Variants in MDFI observed in about 807,000 individuals in gnomAD.
MDFI encodes the protein inhibitor of MyoD family a.
In MDFI, 16 loss-of-function variants were observed where a neutral mutation model predicts 22.3. The observed-to-expected ratio is 0.72, with a 90% CI of 0.49 to 1.09. MDFI has a LOEUF of 1.09. MDFI is among the 50% of genes least tolerant of loss of function. MDFI has a pLI of 0.00. For missense variants in MDFI, 314 were observed against 326.1 expected (o/e 0.96, Z 0.29); for synonymous variants, 145 against 142.7 (o/e 1.02, Z -0.12).
At chr6:41,640,820 TCCCCAC>T (rs967893644) in intron 2 of MDFI, among the ~76,000 whole-genome samples, 1 of 152,034 alleles carries the variant, frequency 6.6e-6, no homozygotes, top group African/African-American at 2.4e-5. Context: ...AGTGGCCTCC[TCCCCAC>T]CCACCCCTGA....
rs1234362654 is a variant in MDFI at position 41,653,194 on chromosome 6, G to T, written c.485-125G>T. ...GTGGGGACGGATTCGTGAGCTTCAGGCACACAGTGAACACTCAGCGTCCCT... is the reference window on the plus strand; with the variant it reads ...GTGGGGACGGATTCGTGAGCTTCAGTCACACAGTGAACACTCAGCGTCCCT... On this transcript the variant is annotated intron_variant, in intron 4 of 4. Coordinates refer to ENST00000230321, the MANE Select transcript of MDFI (RefSeq NM_005586.4). This position sits in a 1 kb window ranked among gnomAD's most constrained non-coding sequence, Gnocchi z 4.2. The T allele has an allele frequency of 1.0e-6, 1 of 971,840 alleles. No homozygotes were observed. Among genetic ancestry groups the T allele is most frequent in the South Asian group, 1.5e-5 (1 of 67,772 alleles). 60.2% of individuals were successfully genotyped at this position (971,840 alleles called of 1,614,324 possible). A position where few individuals can be genotyped will look rare whatever the true frequency, so the allele number is the denominator to read the frequency against.
chr6:41,640,211 C>T (rs779198739), intron 2 of MDFI, among the ~76,000 whole-genome samples: 1 of 152,172 alleles, frequency 6.6e-6, no homozygotes, highest in Non-Finnish European at 1.5e-5. Context: ...GGGCCTCCTT[C>T]CTGCCTCCTC....
intron 2 of MDFI, among the ~76,000 whole-genome samples, chr6:41,641,091 T>C (rs1767836830): frequency 1.3e-5 from 2 of 152,220 alleles, no homozygotes; most frequent in Admixed American, 1.3e-4. Context: ...TCTGACTTTC[T>C]TGGGGTTCAG....
At chr6:41,652,863 C>T (rs1768327924) in intron 4 of MDFI, among the ~76,000 whole-genome samples, 1 of 152,088 alleles carries the variant, frequency 6.6e-6, no homozygotes, top group South Asian at 2.1e-4. Context: ...GGTGATCCGC[C>T]CACCTCGGCC....
intron 2 of MDFI, 145 bp from the exon 3 acceptor site, chr6:41,645,981 C>A: frequency 1.5e-6 from 1 of 684,402 alleles, no homozygotes. Context: ...GTGCTGTTGT[C>A]AGCTAGAGTA....
At position 41,653,531 on chromosome 6, in the gene MDFI, C is replaced by G. The variant is rs562224437; in HGVS notation, c.697C>G (p.Leu233Val). The G allele has an allele frequency of 6.2e-7, 1 of 1,601,526 alleles. No homozygotes were observed. Among genetic ancestry groups the G allele is most frequent in the East Asian group, 2.2e-5 (1 of 44,882 alleles). ...TGCCTGCTGCGAGTCCGCGGACTGC[C>G]TGGAGATCTGCATGGAGTGCTGTGG... Reference protein sequence around the residue: ...LDACCESADCLEICMECCGLC... With the variant: ...LDACCESADCVEICMECCGLC... Residue 233 changes from leucine to valine, a missense_variant, in exon 5 of 5, where the codon CTG (leucine) becomes GTG (valine). Coordinates refer to ENST00000230321, the MANE Select transcript of MDFI (RefSeq NM_005586.4). This position sits in a 1 kb window ranked among gnomAD's most constrained non-coding sequence, Gnocchi z 4.2.
At position 41,646,560 on chromosome 6, in the gene MDFI, G is replaced by A. The variant is rs115463719; in HGVS notation, c.259+252G>A. ...AAATGGCTCAGGACAGAGAGCATGC[G>A]GCTACCTGGAGAGAGGCACCCCCTG... On this transcript the variant is annotated intron_variant, in intron 3 of 4. Transcript: ENST00000230321. Among the ~76,000 whole-genome samples the A allele has an allele frequency of 6.4e-3, 981 of 152,240 alleles. 5 individuals carry two copies. The highest frequency in any genetic ancestry group is 0.022 in the African/African-American group (921 of 41,544).
At chr6:41,637,183 G>T (rs1767672660), upstream of MDFI, 1 of 152,142 alleles carries the variant, frequency 6.6e-6, no homozygotes. This position sits in a 1 kb window ranked among gnomAD's most constrained non-coding sequence, Gnocchi z 6.8. Context: ...GCCCATCGCT[G>T]GGACGTGGCC....
intron 4 of MDFI, among the ~76,000 whole-genome samples, chr6:41,652,768 C>T (rs2127437048): frequency 6.6e-6 from 1 of 152,182 alleles, no homozygotes; most frequent in East Asian, 1.9e-4. Flanking sequence ...AGGCGTGTGC[C>T]ACCACGCCCA....
intron 4 of MDFI, among the ~76,000 whole-genome samples, chr6:41,650,796 A>T (rs1768241134): frequency 6.7e-6 from 1 of 150,324 alleles, no homozygotes; most frequent in Non-Finnish European, 1.5e-5. Flanking sequence ...TTGGTCTCGA[A>T]CTCCTGACCT....
intron 2 of MDFI, chr6:41,639,215 A>T: frequency 1.0e-6 from 1 of 984,662 alleles, no homozygotes; most frequent in Non-Finnish European, 1.2e-6. Context: ...CGTTGTCTGA[A>T]TCTTTCTCTA....
chr6:41,652,356 G>C (rs1464354272), intron 4 of MDFI, among the ~76,000 whole-genome samples: 2 of 152,218 alleles, frequency 1.3e-5, no homozygotes, highest in Non-Finnish European at 2.9e-5. Context: ...CCACACTACA[G>C]GGGGCCTCAG....
intron 2 of MDFI, among the ~76,000 whole-genome samples, chr6:41,642,589 C>T (rs538598333): frequency 6.6e-6 from 1 of 152,202 alleles, no homozygotes; most frequent in Non-Finnish European, 1.5e-5. Context: ...TCTTCCTTTT[C>T]CTTCTGCTTC....
intron 3 of MDFI, 76 bp downstream of exon 3, chr6:41,646,384 C>CA (rs1768054459): frequency 7.7e-7 from 1 of 1,291,262 alleles, no homozygotes; most frequent in Non-Finnish European, 1.0e-6. Flanking sequence ...AATGGGTCGG[C>CA]AAAAATGGGT....
Position 41,638,893 on chromosome 6 carries a change from T to G in MDFI, c.76+68T>G. The G allele has an allele frequency of 6.9e-7, 1 of 1,451,946 alleles. No homozygotes were observed. The highest frequency in any genetic ancestry group is 9.2e-7 in the Non-Finnish European group (1 of 1,084,814). The allele number at this position is 1,451,946 out of a possible 1,614,324, so 89.9% of individuals were successfully genotyped here. On this transcript the variant is annotated intron_variant, in intron 2 of 4. Transcript: ENST00000230321. This position sits in a 1 kb window ranked among gnomAD's most constrained non-coding sequence, Gnocchi z 7.6. ...GGCGGCTGAAGGGGCCAGTTATTAG[T>G]TCTCCTCTCCGTCCCCAGACGCGGG...
At chr6:41,644,982 C>T (rs955584525) in intron 2 of MDFI, among the ~76,000 whole-genome samples, 1 of 151,864 alleles carries the variant, frequency 6.6e-6, no homozygotes, top group African/African-American at 2.4e-5. Context: ...TCCTTGTGTC[C>T]CCCTCTGTGT....
chr6:41,647,520 T>C (rs72863075), intron 3 of MDFI, among the ~76,000 whole-genome samples: 14,510 of 152,202 alleles, frequency 0.095, 854 homozygotes, highest in African/African-American at 0.17. Flanking sequence ...ACCCTGTTTA[T>C]CCAGATGCAG....
chr6:41,643,772 C>T (rs1042741600), intron 2 of MDFI, among the ~76,000 whole-genome samples: 1 of 152,082 alleles, frequency 6.6e-6, no homozygotes, highest in Non-Finnish European at 1.5e-5. Flanking sequence ...ATTTTCTTTC[C>T]TCCTTGAAAC....
Position 41,653,677 on chromosome 6 carries a change from C to A in MDFI, c.*102C>A. 2 of 1,454,394 alleles carry A rather than the reference C, an allele frequency of 1.4e-6. No individual in the cohort carries two copies. Among genetic ancestry groups the A allele is most frequent in the Non-Finnish European group, 9.3e-7 (1 of 1,071,728 alleles). The allele number at this position is 1,454,394 out of a possible 1,614,324, so 90.1% of individuals were successfully genotyped here. On this transcript the variant is annotated 3_prime_UTR_variant, in exon 5 of 5. Transcript: ENST00000230321. This position sits in a 1 kb window ranked among gnomAD's most constrained non-coding sequence, Gnocchi z 4.2. ...GACTGTCACACAAGGCTTGAGAAGCCCCCTCTCCCTGGTCCTCTCCTACCC... is the reference window on the plus strand; with the variant it reads ...GACTGTCACACAAGGCTTGAGAAGCACCCTCTCCCTGGTCCTCTCCTACCC...
Sources: allele counts gnomAD v4.1 joint callset (sites outside exome capture counted in the v4.1 genomes callset), GRCh38; gene constraint gnomAD v4.1.1; non-coding constraint Gnocchi (gnomAD v3.1); transcripts MANE v1.5; gene names NCBI Gene and HGNC (gene_info 2026-07-23, HGNC 2026-07-21).